The following CCDC7 variants were observed in gnomAD, a reference collection of about 807,000 sequenced individuals.
The protein encoded by CCDC7 is coiled-coil domain containing 7.
In CCDC7, 183 loss-of-function variants were observed where a neutral mutation model predicts 196.9. The ratio of observed to expected loss-of-function variants is 0.93; its 90% confidence interval spans 0.82 to 1.05. The LOEUF is 1.05. Ranked by LOEUF, CCDC7 falls within the 50% of genes least tolerant of loss-of-function variation. CCDC7 has a pLI of 0.00. For missense variants in CCDC7, 1,540 were observed against 1,482.2 expected (o/e 1.04, Z -0.64); for synonymous variants, 525 against 484.6 (o/e 1.08, Z -1.10).
At chr10:32,620,607 G>A (rs1223182963) in intron 18 of CCDC7, among the ~76,000 whole-genome samples, 1 of 151,846 alleles carries the variant, frequency 6.6e-6, no homozygotes, top group African/African-American at 2.4e-5. Flanking sequence ...ATATTTTAGT[G>A]AAAAGTATGG....
chr10:32,689,257 A>T, intron 23 of CCDC7, 94 bp downstream of exon 24: 1 of 762,486 alleles, frequency 1.3e-6, no homozygotes, highest in Non-Finnish European at 2.1e-6. Context: ...TTACACTTTG[A>T]CTAAAATGTG....
intron 21 of CCDC7, chr10:32,675,729 A>T (rs2074835268): frequency 1.3e-5 from 2 of 152,474 alleles, no homozygotes; most frequent in East Asian, 3.9e-4. Context: ...TCAATGAAAT[A>T]AAAGAGGATA....
intron 13 of CCDC7, among the ~76,000 whole-genome samples, chr10:32,558,960 G>A (rs575680313): frequency 5.9e-5 from 9 of 152,294 alleles, no homozygotes; most frequent in East Asian, 1.9e-4. Flanking sequence ...GGTCACTCCC[G>A]CCCTAATACT....
intron 25 of CCDC7, 120 bp from the exon 27 acceptor site, chr10:32,726,614 A>C: frequency 2.0e-6 from 1 of 510,276 alleles, no homozygotes; most frequent in Non-Finnish European, 3.5e-6. Context: ...ATAATTTTAT[A>C]AAAATGAGAA....
At chr10:32,627,969 AT>A (rs376444216) in intron 18 of CCDC7, among the ~76,000 whole-genome samples, 4 of 151,292 alleles carry the variant, frequency 2.6e-5, no homozygotes, top group South Asian at 4.2e-4. Context: ...TTGGTCAGTA[AT>A]TTTTTTTTCT....
chr10:32,490,639 A>G (rs1284048387), intron 8 of CCDC7, among the ~76,000 whole-genome samples: 3 of 152,112 alleles, frequency 2.0e-5, no homozygotes, highest in Non-Finnish European at 2.9e-5. Context: ...TACTAAAAAT[A>G]CAAAAAAATT....
At chr10:32,849,497 G>C (rs968950503) in intron 39 of CCDC7, among the ~76,000 whole-genome samples, 16 of 152,052 alleles carry the variant, frequency 1.1e-4, no homozygotes, top group African/African-American at 3.6e-4. Context: ...GAGGTCAAGA[G>C]ATAGAGACCA....
intron 20 of CCDC7, among the ~76,000 whole-genome samples, chr10:32,639,752 C>A (rs2139789191): frequency 6.6e-6 from 1 of 151,844 alleles, no homozygotes; most frequent in East Asian, 1.9e-4. Flanking sequence ...CTCAGCCTCT[C>A]CGAGTAGCTG....
At chr10:32,520,393 T>G (rs2047702983) in intron 11 of CCDC7, among the ~76,000 whole-genome samples, 1 of 152,144 alleles carries the variant, frequency 6.6e-6, no homozygotes, top group South Asian at 2.1e-4. Context: ...ATTGCCTGGC[T>G]CTTGAATAAA....
chr10:32,713,618 T>G lies in CCDC7; in HGVS notation c.2569+1888T>G, dbSNP rs947250494. 2.0e-5 allele frequency among the ~76,000 whole-genome samples: 3 copies of G among 152,358 alleles called. No homozygotes were observed. The East Asian group carries it at 5.8e-4, about 29-fold the overall frequency. On this transcript the variant is annotated intron_variant, in intron 25 of 41. Transcript: ENST00000639629. ...GCACTCATACTGTTCATAGTGGACA[T>G]CACCATATGGACCTTAGTGCCTGGT...
At chr10:32,806,474 C>T (rs2085886332) in intron 30 of CCDC7, among the ~76,000 whole-genome samples, 1 of 151,888 alleles carries the variant, frequency 6.6e-6, no homozygotes, top group African/African-American at 2.4e-5. Flanking sequence ...CTAAAGGAAA[C>T]CATTCTTTAA....
chr10:32,850,631 A>G (rs2093517826), intron 39 of CCDC7, among the ~76,000 whole-genome samples: 1 of 152,164 alleles, frequency 6.6e-6, no homozygotes, highest in Non-Finnish European at 1.5e-5. Context: ...AGCTCTTCCC[A>G]GGACCCCACA....
At chr10:32,600,438 T>A (rs2060876250) in intron 18 of CCDC7, among the ~76,000 whole-genome samples, 1 of 152,286 alleles carries the variant, frequency 6.6e-6, no homozygotes, top group East Asian at 1.9e-4. Context: ...AATTCATTTA[T>A]CAAATATAGG....
chr10:32,637,786 T>A (rs909241762), intron 20 of CCDC7, among the ~76,000 whole-genome samples: 2 of 152,220 alleles, frequency 1.3e-5, no homozygotes, highest in African/African-American at 2.4e-5. Context: ...GGTAGCTTGA[T>A]GGGGATGGCC....
At chr10:32,747,115 G>A (rs1443464228) in intron 28 of CCDC7, among the ~76,000 whole-genome samples, 2 of 152,210 alleles carry the variant, frequency 1.3e-5, no homozygotes, top group Admixed American at 6.5e-5. Flanking sequence ...CATAGCAGGT[G>A]TTTAACCTCA....
chr10:32,684,222 C>T (rs990541024), intron 21 of CCDC7, among the ~76,000 whole-genome samples: 2 of 152,098 alleles, frequency 1.3e-5, no homozygotes, highest in African/African-American at 2.4e-5. Context: ...TATCCTGGGG[C>T]GCATGGGAGA....
At chr10:32,544,591 A>C (rs1324691702) in intron 13 of CCDC7, among the ~76,000 whole-genome samples, 1 of 152,164 alleles carries the variant, frequency 6.6e-6, no homozygotes, top group Non-Finnish European at 1.5e-5. Context: ...TGGAGGAAAG[A>C]GCATCATATC....
chr10:32,484,759 G>A (rs1255175652), intron 8 of CCDC7, among the ~76,000 whole-genome samples: 1 of 152,140 alleles, frequency 6.6e-6, no homozygotes, highest in African/African-American at 2.4e-5. Flanking sequence ...AGATAATTGT[G>A]TGGTTTTTGT....
At chr10:32,717,043 C>G (rs2081707443) in intron 25 of CCDC7, among the ~76,000 whole-genome samples, 1 of 152,336 alleles carries the variant, frequency 6.6e-6, no homozygotes, top group East Asian at 1.9e-4. Context: ...TAATAGACAT[C>G]TACAGAACTC....
Sources: gnomAD v4.1 joint callset for allele counts (sites outside exome capture counted in the v4.1 genomes callset) on GRCh38, gnomAD v4.1.1 for gene constraint, MANE v1.5 for transcripts, NCBI Gene and HGNC (gene_info 2026-07-23, HGNC 2026-07-21) for gene names.